Variants in CNTNAP5 observed in about 807,000 individuals in gnomAD.
The protein encoded by CNTNAP5 is contactin associated protein family member 5, also known as contactin-associated protein-like 5.
In CNTNAP5, 72 loss-of-function variants were observed where a neutral mutation model predicts 150.2. That is an observed-to-expected ratio of 0.48 (90% CI 0.40 to 0.58). The LOEUF is 0.58. Ranked by LOEUF, CNTNAP5 falls within the 20% of genes least tolerant of loss-of-function variation. CNTNAP5 has a pLI of 0.00. For synonymous variants in CNTNAP5, 672 were observed against 619.8 expected (o/e 1.08, Z -1.25); for missense variants, 1,636 against 1,626.2 (o/e 1.01, Z -0.10).
intron 6 of CNTNAP5, among the ~76,000 whole-genome samples, chr2:124,464,372 A>T (rs577602087): frequency 6.6e-6 from 1 of 152,302 alleles, no homozygotes; most frequent in Admixed American, 6.5e-5. Flanking sequence ...TTTTTGCAGA[A>T]AAAAGAAGGA....
chr2:124,563,052 A>G (rs764928792), intron 10 of CNTNAP5, among the ~76,000 whole-genome samples, 165 bp from the exon 11 acceptor site: 1 of 152,230 alleles, frequency 6.6e-6, no homozygotes, highest in Non-Finnish European at 1.5e-5. Context: ...CTAAAACTGT[A>G]ATATTCATAC....
At chr2:124,903,772 G>T (rs1678466040) in intron 22 of CNTNAP5, among the ~76,000 whole-genome samples, 14 of 151,922 alleles carry the variant, frequency 9.2e-5, no homozygotes, top group Admixed American at 9.2e-4. Flanking sequence ...CCAAAATTTG[G>T]GCCAGGTGTG....
intron 13 of CNTNAP5, among the ~76,000 whole-genome samples, chr2:124,662,088 G>A (rs1366208413): frequency 1.3e-5 from 2 of 152,074 alleles, no homozygotes; most frequent in Non-Finnish European, 2.9e-5. Flanking sequence ...ACTTATGAGT[G>A]AGAACATGCA....
chr2:124,918,624 A>G lies in CNTNAP5; in HGVS notation c.*4336A>G, dbSNP rs542100300. Among the ~76,000 whole-genome samples the G allele has an allele frequency of 2.0e-4, 30 of 152,200 alleles. No individual in the cohort carries two copies. The highest frequency in any genetic ancestry group is 4.1e-4 in the South Asian group (2 of 4,826). ...TGACAGACTGTTCACCAACTGCCCT[A>G]GCTTCCTTTAAGCTTCCCCATAGCT... On this transcript the variant is annotated 3_prime_UTR_variant, in exon 24 of 24. Transcript: ENST00000682447.
chr2:124,250,658 G>T (rs1021678229), intron 3 of CNTNAP5, among the ~76,000 whole-genome samples: 1 of 152,082 alleles, frequency 6.6e-6, no homozygotes, highest in African/African-American at 2.4e-5. Flanking sequence ...GGAGCTGGAG[G>T]AGGAGCCTGG....
At chr2:124,820,995 T>C (rs1167887630) in intron 19 of CNTNAP5, among the ~76,000 whole-genome samples, 2 of 152,210 alleles carry the variant, frequency 1.3e-5, no homozygotes, top group African/African-American at 4.8e-5. Flanking sequence ...TCACAGTTTG[T>C]GCTCACAGGC....
intron 13 of CNTNAP5, among the ~76,000 whole-genome samples, chr2:124,693,432 A>G (rs1212577511): frequency 1.3e-5 from 2 of 152,116 alleles, no homozygotes; most frequent in South Asian, 4.1e-4. Flanking sequence ...ACAAAGATGA[A>G]TATCATAAGT....
chr2:124,078,584 A>G (rs186397889), intron 1 of CNTNAP5, among the ~76,000 whole-genome samples: 1 of 152,334 alleles, frequency 6.6e-6, no homozygotes, highest in African/African-American at 2.4e-5. Flanking sequence ...CTGTGATGGA[A>G]TCTTCAGTTT....
intron 1 of CNTNAP5, among the ~76,000 whole-genome samples, chr2:124,202,329 A>ATAG (rs1685747874): frequency 6.6e-6 from 1 of 152,208 alleles, no homozygotes; most frequent in South Asian, 2.1e-4. Flanking sequence ...TGGGAGTGTC[A>ATAG]TAGCAGCCCC....
At chr2:124,059,933 G>T (rs1006408210) in intron 1 of CNTNAP5, among the ~76,000 whole-genome samples, 1 of 152,116 alleles carries the variant, frequency 6.6e-6, no homozygotes, top group South Asian at 2.1e-4. Flanking sequence ...ATGCTGGAAA[G>T]AATAATTTTT....
intron 1 of CNTNAP5, among the ~76,000 whole-genome samples, chr2:124,207,607 C>T (rs942734919): frequency 1.3e-5 from 2 of 152,158 alleles, no homozygotes; most frequent in Non-Finnish European, 2.9e-5. Context: ...AATCTTTGCT[C>T]ACAGTTTTGA....
intron 13 of CNTNAP5, among the ~76,000 whole-genome samples, chr2:124,657,222 T>G (rs1477391249): frequency 1.3e-5 from 2 of 152,188 alleles, no homozygotes; most frequent in African/African-American, 4.8e-5. Flanking sequence ...ATTTGTAACT[T>G]ATGGCATTTA....
At chr2:124,105,853 T>C (rs1167491230) in intron 1 of CNTNAP5, among the ~76,000 whole-genome samples, 5 of 152,274 alleles carry the variant, frequency 3.3e-5, no homozygotes, top group Middle Eastern at 6.8e-3. Flanking sequence ...ATATTGATGC[T>C]TTCCTAGTGA....
chr2:124,485,366 C>A (rs1294532128), intron 7 of CNTNAP5, among the ~76,000 whole-genome samples: 1 of 152,084 alleles, frequency 6.6e-6, no homozygotes. Context: ...GTAATCCCAG[C>A]ACTTTGGGAG....
At chr2:124,635,319 G>A (rs1225666354) in intron 12 of CNTNAP5, among the ~76,000 whole-genome samples, 1 of 152,124 alleles carries the variant, frequency 6.6e-6, no homozygotes, top group African/African-American at 2.4e-5. Context: ...ACAGTATTCG[G>A]GAGGATAGTG....
intron 13 of CNTNAP5, among the ~76,000 whole-genome samples, chr2:124,707,308 T>C (rs940855138): frequency 7.2e-5 from 11 of 152,146 alleles, no homozygotes; most frequent in Admixed American, 7.2e-4. Flanking sequence ...AGAGAAAAGA[T>C]GAGGCATGGA....
chr2:124,364,944 C>A (rs1690329938), intron 3 of CNTNAP5, among the ~76,000 whole-genome samples: 2 of 152,120 alleles, frequency 1.3e-5, no homozygotes, highest in Admixed American at 1.3e-4. Flanking sequence ...GGCACACCAT[C>A]AATGTGTGCT....
intron 4 of CNTNAP5, among the ~76,000 whole-genome samples, chr2:124,433,804 A>G (rs915113326): frequency 6.6e-6 from 1 of 152,230 alleles, no homozygotes; most frequent in African/African-American, 2.4e-5. Flanking sequence ...TACCTGTTAC[A>G]TAAGTTTATC....
intron 13 of CNTNAP5, among the ~76,000 whole-genome samples, chr2:124,704,287 C>G (rs546509800): frequency 6.6e-6 from 1 of 152,266 alleles, no homozygotes; most frequent in South Asian, 2.1e-4. Flanking sequence ...AGGGGCTTTG[C>G]CATCTGGACA....
Sources: allele counts gnomAD v4.1 joint callset (sites outside exome capture counted in the v4.1 genomes callset), GRCh38; gene constraint gnomAD v4.1.1; transcripts MANE v1.5; gene names NCBI Gene and HGNC (gene_info 2026-07-23, HGNC 2026-07-21).